Variants in SLC38A6 observed in about 807,000 individuals in gnomAD.
SLC38A6 encodes N system amino acid transporter NAT-1.
Under a neutral mutation model 65.0 loss-of-function variants are expected in SLC38A6, and 73 were observed. The observed-to-expected ratio is 1.12, with a 90% CI of 0.93 to 1.37. The LOEUF (loss-of-function observed/expected upper bound fraction) is 1.37, where lower values mean the gene tolerates loss of function less well. Among genes scored for constraint, SLC38A6 ranks in the 40% most tolerant of loss-of-function variants. The pLI, the probability that SLC38A6 is intolerant of heterozygous loss-of-function variation, is 0.00. For missense variants in SLC38A6, 561 were observed against 531.1 expected (o/e 1.06, Z -0.55); for synonymous variants, 183 against 178.8 (o/e 1.02, Z -0.19).
intron 12 of SLC38A6, among the ~76,000 whole-genome samples, chr14:61,046,451 G>A (rs1041757928): frequency 6.6e-6 from 1 of 152,168 alleles, no homozygotes; most frequent in Non-Finnish European, 1.5e-5. Context: ...GAAAAAATGT[G>A]CAATTTTAAT....
At chr14:61,003,906 A>G (rs2038888589) in intron 3 of SLC38A6, among the ~76,000 whole-genome samples, 1 of 152,166 alleles carries the variant, frequency 6.6e-6, no homozygotes, top group Non-Finnish European at 1.5e-5. Context: ...TGACCATTGT[A>G]GTCAGTCTCC....
At chr14:61,044,218 C>G (rs2041994647) in intron 10 of SLC38A6, among the ~76,000 whole-genome samples, 1 of 152,204 alleles carries the variant, frequency 6.6e-6, no homozygotes. Flanking sequence ...TTCCCAGATG[C>G]TAGAATCCCC....
intron 3 of SLC38A6, among the ~76,000 whole-genome samples, chr14:61,014,918 CAG>C (rs2039879475): frequency 6.6e-6 from 1 of 152,216 alleles, no homozygotes; most frequent in South Asian, 2.1e-4. Flanking sequence ...AGCTGTCAGA[CAG>C]AGACATTTAA....
intron 5 of SLC38A6, among the ~76,000 whole-genome samples, chr14:61,023,719 A>C (rs1220158776): frequency 1.3e-5 from 2 of 151,904 alleles, no homozygotes; most frequent in Admixed American, 6.6e-5. Flanking sequence ...CTCAGTTTTC[A>C]TGAGATACAA....
At chr14:61,001,140 G>T (rs1272445159) in intron 3 of SLC38A6, among the ~76,000 whole-genome samples, 1 of 152,146 alleles carries the variant, frequency 6.6e-6, no homozygotes, top group East Asian at 1.9e-4. Flanking sequence ...GCAATGTCTG[G>T]AGGCATTTCT....
intron 1 of SLC38A6, chr14:60,981,653 G>T: frequency 1.4e-6 from 2 of 1,432,776 alleles, no homozygotes; most frequent in Admixed American, 2.1e-5. Context: ...CGAACATGAT[G>T]GGATGAGCGG....
chr14:61,014,041 C>T (rs527860579), intron 3 of SLC38A6, among the ~76,000 whole-genome samples: 2 of 152,300 alleles, frequency 1.3e-5, no homozygotes, highest in East Asian at 3.9e-4. Context: ...TAGATTTGGT[C>T]TTTTCACATA....
chr14:61,048,061 C>T, intron 12 of SLC38A6: 1 of 423,894 alleles, frequency 2.4e-6, no homozygotes, highest in Non-Finnish European at 4.6e-6. Flanking sequence ...GTAGTAAGTT[C>T]TTCTCCAAAG....
intron 2 of SLC38A6, 52 bp from the exon 3 acceptor site, chr14:60,984,678 A>G (rs1594947003): frequency 1.3e-6 from 2 of 1,543,024 alleles, no homozygotes; most frequent in Non-Finnish European, 9.0e-7. Flanking sequence ...GAGACACCAT[A>G]CAAAAGACAA....
At chr14:61,002,601 A>G (rs2038787832) in intron 3 of SLC38A6, among the ~76,000 whole-genome samples, 1 of 152,148 alleles carries the variant, frequency 6.6e-6, no homozygotes, top group Admixed American at 6.6e-5. Flanking sequence ...ATATTCCACT[A>G]TTTCATGGGA....
At position 60,982,755 on chromosome 14, in the gene SLC38A6, G is replaced by T. The variant is rs1594940519; in HGVS notation, c.236+117G>T. 6 of 1,203,276 alleles carry T rather than the reference G, an allele frequency of 5.0e-6. No homozygotes were observed. In the East Asian group the frequency reaches 1.5e-4, roughly 30 times the overall value. The allele number at this position is 1,203,276 out of a possible 1,614,324, so 74.5% of individuals were successfully genotyped here. On this transcript the variant is annotated intron_variant, in intron 2 of 15. Transcript: ENST00000267488. The stretch of plus-strand genomic sequence containing the variant: ...CAATTTCTAGTTAGTTATTTCTGGG[G>T]TTTTAGCATTTTTCTTGTTATTCTT...
At chr14:61,005,990 A>G (rs1043742638) in intron 3 of SLC38A6, among the ~76,000 whole-genome samples, 4 of 152,176 alleles carry the variant, frequency 2.6e-5, no homozygotes, top group African/African-American at 9.7e-5. Flanking sequence ...ATATAGATCA[A>G]TGGAACAGAA....
intron 15 of SLC38A6, among the ~76,000 whole-genome samples, chr14:61,072,308 T>A (rs2043257263): frequency 6.6e-6 from 1 of 152,312 alleles, no homozygotes. Flanking sequence ...GATACAGACA[T>A]GCAATGTGAA....
chr14:61,018,814 A>T (rs2040175682), intron 4 of SLC38A6, among the ~76,000 whole-genome samples: 1 of 152,240 alleles, frequency 6.6e-6, no homozygotes, highest in Non-Finnish European at 1.5e-5. Context: ...GCATCATTAA[A>T]GTATGAAAAA....
intron 6 of SLC38A6, 99 bp from the exon 7 acceptor site, chr14:61,036,960 C>CTGTGTGTGTGTATG (rs71449544): frequency 2.4e-6 from 1 of 417,964 alleles, no homozygotes; most frequent in African/African-American, 2.3e-5. Flanking sequence ...GGTTATAACT[C>CTGTGTGTGTGTATG]TGTGTGTGTG....
chr14:61,054,500 C>A (rs981306606), downstream of SLC38A6, among the ~76,000 whole-genome samples: 5 of 152,192 alleles, frequency 3.3e-5, no homozygotes, highest in Non-Finnish European at 7.3e-5. Flanking sequence ...TTCTTCCTAT[C>A]CATGAGCATG....
At chr14:61,020,482 T>C (rs1338920754) in intron 5 of SLC38A6, among the ~76,000 whole-genome samples, 3 of 152,162 alleles carry the variant, frequency 2.0e-5, no homozygotes, top group Non-Finnish European at 2.9e-5. Flanking sequence ...CTTTAAGTAT[T>C]GTTCAATCAA....
chr14:61,053,945 G>A (rs374269955), downstream of SLC38A6, among the ~76,000 whole-genome samples: 45 of 152,122 alleles, frequency 3.0e-4, no homozygotes, highest in South Asian at 6.0e-3. Flanking sequence ...TGAAATCTTT[G>A]CCCATTCCTA....
At chr14:61,042,827 C>G (rs1426180514) in intron 8 of SLC38A6, among the ~76,000 whole-genome samples, 1 of 152,118 alleles carries the variant, frequency 6.6e-6, no homozygotes, top group Non-Finnish European at 1.5e-5. Context: ...GTGACAGTCA[C>G]TGAAAACATC....
Sources: allele counts gnomAD v4.1 joint callset (sites outside exome capture counted in the v4.1 genomes callset), GRCh38; gene constraint gnomAD v4.1.1; transcripts MANE v1.5; gene names NCBI Gene and HGNC (gene_info 2026-07-23, HGNC 2026-07-21).